ZMYND10: variants seen among roughly 807,000 people sequenced by gnomAD.
The protein encoded by ZMYND10 is zinc finger MYND domain-containing protein 10.
Under a neutral mutation model 62.6 loss-of-function variants are expected in ZMYND10, and 52 were observed. The observed-to-expected ratio is 0.83, with a 90% CI of 0.67 to 1.05. ZMYND10 has a LOEUF of 1.05. Among genes scored for constraint, ZMYND10 ranks in the 50% least tolerant of loss-of-function variants. The pLI is 0.00. For synonymous variants in ZMYND10, 197 were observed against 218.5 expected (o/e 0.90, Z 0.87); for missense variants, 438 against 543.3 (o/e 0.81, Z 1.93).
Position 50,342,492 on chromosome 3 carries a change from C to A in ZMYND10, c.778G>T (p.Gly260Trp). The A allele has an allele frequency of 6.2e-7, 1 of 1,614,032 alleles. No homozygotes were observed. The highest frequency in any genetic ancestry group is 1.3e-5 in the African/African-American group (1 of 75,032). Reference sequence around the variant, plus strand: ...TTGTACAGGGCGATCCACACTTGCCCGTCCAACTTGCTCAGCTTTTGCTGC... The same window carrying A: ...TTGTACAGGGCGATCCACACTTGCCAGTCCAACTTGCTCAGCTTTTGCTGC... ...SEQQKLSKLDGQVWIALYNLL... is the reference protein window; with the variant it reads ...SEQQKLSKLDWQVWIALYNLL... The change falls in exon 8 of 12, where the codon GGG (glycine) becomes TGG (tryptophan). Residue 260 changes from glycine (G) to tryptophan (W), a missense_variant. Physicochemically the swap from Gly to Trp is radical, Grantham distance 184. Transcript: ENST00000231749.
rs143987604 is a variant in ZMYND10 at position 50,343,397 on chromosome 3, A to G, written c.420T>C (p.Tyr140=). ...CCAGCAGGGTCAGTTTGCGGTGGCA[A>G]TAGTCTACCAAGTCCAAGACAGTGT... ...AEDTVLDLVD[Y]CHRKLTLLVA... The change falls in exon 5 of 12, where the codon TAT becomes TAC. Residue 140 remains tyrosine (Y), a synonymous_variant. Transcript: ENST00000231749. 1.1e-5 allele frequency: 17 copies of G among 1,613,624 alleles called. No homozygotes were observed. Among genetic ancestry groups the G allele is most frequent in the South Asian group, 2.2e-5 (2 of 91,048 alleles).
Position 50,345,046 on chromosome 3 carries a change from G to T in ZMYND10, c.201+78C>A. 3 of 1,229,600 alleles carry T rather than the reference G, an allele frequency of 2.4e-6. No homozygotes were observed. The highest frequency in any genetic ancestry group is 1.3e-5 in the South Asian group (1 of 78,382). 76.2% of individuals were successfully genotyped at this position (1,229,600 alleles called of 1,614,324 possible). A position where few individuals can be genotyped will look rare whatever the true frequency, so the allele number is the denominator to read the frequency against. On this transcript the variant is annotated intron_variant, in intron 2 of 11. Coordinates refer to ENST00000231749, the MANE Select transcript of ZMYND10 (RefSeq NM_015896.4). This position sits in a 1 kb window ranked among gnomAD's most constrained non-coding sequence, Gnocchi z 5.0. Reference sequence around the variant, plus strand: ...AGGTGTACCAGGCCAGAGGGGAAGGGCACACAGGGGACTCCGGAGGGGTAG... The same window carrying T: ...AGGTGTACCAGGCCAGAGGGGAAGGTCACACAGGGGACTCCGGAGGGGTAG...
At position 50,345,650 on chromosome 3, in the gene ZMYND10, G is replaced by T; in HGVS notation, c.-71C>A. The T allele has an allele frequency of 6.7e-7, 1 of 1,499,380 alleles. No individual in the cohort carries two copies. The highest frequency in any genetic ancestry group is 1.3e-5 in the South Asian group (1 of 75,232). The allele number at this position is 1,499,380 out of a possible 1,614,324, so 92.9% of individuals were successfully genotyped here. A position where few individuals can be genotyped will look rare whatever the true frequency, so the allele number is the denominator to read the frequency against. ...GATGCTGTCACATTCGGGGACGACG[G>T]ACCCCGACGGTGCCAAAGTCTGGGA... On this transcript the variant is annotated 5_prime_UTR_variant, in exon 1 of 12. Transcript: ENST00000231749. The surrounding 1 kb of genome is among the most constrained non-coding windows in gnomAD (Gnocchi z 5.0).
At chr3:50,342,640 G>A (rs754628202) in intron 7 of ZMYND10, 71 bp from the exon 8 acceptor site, 1 of 1,552,162 alleles carries the variant, frequency 6.4e-7, no homozygotes, top group Non-Finnish European at 8.7e-7. Context: ...GTGGGGGCTG[G>A]GAGACTGACC....
chr3:50,341,199 A>T lies in ZMYND10; in HGVS notation c.*211T>A. 1.5e-6 allele frequency: 1 copy of T among 662,566 alleles called. No homozygotes were observed. Among genetic ancestry groups the T allele is most frequent in the Non-Finnish European group, 2.6e-6 (1 of 391,554 alleles). The allele number at this position is 662,566 out of a possible 1,614,324, so 41.0% of individuals were successfully genotyped here. ...CTGGTCCGGTTTGCTGAAGCAACACACTTGGCCTACCCACTGGGTGGGGCA... is the reference window on the plus strand; with the variant it reads ...CTGGTCCGGTTTGCTGAAGCAACACTCTTGGCCTACCCACTGGGTGGGGCA... On this transcript the variant is annotated 3_prime_UTR_variant, in exon 12 of 12. Coordinates refer to ENST00000231749, the MANE Select transcript of ZMYND10 (RefSeq NM_015896.4).
chr3:50,341,866 G>T lies in ZMYND10; in HGVS notation c.1065C>A (p.His355Gln). Reference sequence around the variant, plus strand: ...AGGGGCTGAACACATGCTGGAGCTGGTGCTTGGCAATTGCCTGCCACTTGC... The same window carrying T: ...AGGGGCTGAACACATGCTGGAGCTGTTGCTTGGCAATTGCCTGCCACTTGC... ...NRGKWQAIAK[H>Q]QLQHVFSPSE... The change falls in exon 10 of 12, where the codon CAC becomes CAA. Residue 355 changes from histidine (H) to glutamine (Q), a missense_variant. Transcript: ENST00000231749. The T allele has an allele frequency of 6.2e-7, 1 of 1,614,176 alleles. No homozygotes were observed. Among genetic ancestry groups the T allele is most frequent in the Non-Finnish European group, 8.5e-7 (1 of 1,180,046 alleles).
At position 50,345,553 on chromosome 3, in the gene ZMYND10, G is replaced by A. The variant is rs765890556; in HGVS notation, c.27C>T (p.Pro9=). 4 of 1,607,304 alleles carry A rather than the reference G, an allele frequency of 2.5e-6. No individual in the cohort carries two copies. The highest frequency in any genetic ancestry group is 2.2e-5 in the East Asian group (1 of 44,662). The change falls in exon 1 of 12, where the codon CCC becomes CCT. Residue 9 remains proline (P), a synonymous_variant. Transcript: ENST00000231749. This position sits in a 1 kb window ranked among gnomAD's most constrained non-coding sequence, Gnocchi z 5.0. ...CCCGCACCAGCACTTCAGCTTCCCCGGGCAGCAGCAGTTCCAGGTCTCCCA... is the reference window on the plus strand; with the variant it reads ...CCCGCACCAGCACTTCAGCTTCCCCAGGCAGCAGCAGTTCCAGGTCTCCCA... MGDLELLL[P]GEAEVLVRGL... is the part of the protein sequence containing the mutation.
rs1703393990 is a variant in ZMYND10 at position 50,341,933 on chromosome 3, T to C, written c.1000-2A>G. 1 of 1,614,166 alleles carries C rather than the reference T, an allele frequency of 6.2e-7. No individual in the cohort carries two copies. Among genetic ancestry groups the C allele is most frequent in the Non-Finnish European group, 8.5e-7 (1 of 1,180,008 alleles). Reference sequence around the variant, plus strand: ...CAGCCGCTCCCAGATTTCTGGGATCTAGGAGAGAGAAGTGGAGAGTGGCAG... The same window carrying C: ...CAGCCGCTCCCAGATTTCTGGGATCCAGGAGAGAGAAGTGGAGAGTGGCAG... On this transcript the variant is annotated splice_acceptor_variant, in intron 9 of 11. Transcript: ENST00000231749. LOFTEE classifies it high-confidence loss of function.
intron 6 of ZMYND10, 29 bp from the exon 7 acceptor site, chr3:50,343,047 G>A: frequency 6.2e-7 from 1 of 1,613,948 alleles, no homozygotes; most frequent in Non-Finnish European, 8.5e-7. Context: ...TGAAGGAGGT[G>A]AGTAGAGGCA....
chr3:50,343,562 C>A lies in ZMYND10; in HGVS notation c.372+1G>T. ...GCCCATGGGCAGAGATAGTCCCTCA[C>A]CTTGTGGAAGAACACTGTCTCCAAG... On this transcript the variant is annotated splice_donor_variant, in intron 4 of 11. Transcript: ENST00000231749. LOFTEE classifies it high-confidence loss of function. 6.2e-7 allele frequency: 1 copy of A among 1,614,194 alleles called. No individual in the cohort carries two copies. Among genetic ancestry groups the A allele is most frequent in the Non-Finnish European group, 8.5e-7 (1 of 1,180,042 alleles).
intron 6 of ZMYND10, 27 bp from the exon 7 acceptor site, chr3:50,343,045 G>A (rs775101988): frequency 3.7e-6 from 6 of 1,614,022 alleles, no homozygotes; most frequent in South Asian, 3.3e-5. Flanking sequence ...TGTGAAGGAG[G>A]TGAGTAGAGG....
At position 50,342,995 on chromosome 3, in the gene ZMYND10, C is replaced by A. The variant is rs368114874; in HGVS notation, c.623G>T (p.Arg208Leu). Residue 208 changes from arginine to leucine, a missense_variant, in exon 7 of 12, where the codon CGT becomes CTT. Physicochemically the swap from Arg to Leu is moderately radical, Grantham distance 102 (BLOSUM62 -2). Coordinates refer to ENST00000231749, the MANE Select transcript of ZMYND10 (RefSeq NM_015896.4). ...VDSLSLSTLS[R>L]MLSTHNLPCL... ...GGGCAGGTTGTGTGTGCTAAGCATA[C>A]GGCTCAAGGTGCTGAGAGAGAGGCT... 22 of 1,613,990 alleles carry A rather than the reference C, an allele frequency of 1.4e-5. No homozygotes were observed. Among genetic ancestry groups the A allele is most frequent in the African/African-American group, 4.0e-5 (3 of 74,898 alleles).
chr3:50,343,996 T>C (rs1703465993), intron 2 of ZMYND10, 146 bp from the exon 3 acceptor site: 1 of 683,844 alleles, frequency 1.5e-6, no homozygotes, highest in Non-Finnish European at 2.5e-6. Flanking sequence ...CCTTCCTGAC[T>C]TCTCTCTTGC....
Position 50,342,916 on chromosome 3 carries a change from A to G in ZMYND10, c.700+2T>C, listed in dbSNP as rs781450802. On this transcript the variant is annotated splice_donor_variant, in intron 7 of 11. Transcript: ENST00000231749. LOFTEE classifies it high-confidence loss of function. ...GCTTAGGCTGGTGGGGGAGGACCCT[A>G]CCTCCTTCCCGCCGGCTCCAGGGAC... is the stretch of plus-strand genomic sequence containing the variant. 3.7e-6 allele frequency: 6 copies of G among 1,613,592 alleles called. No homozygotes were observed. The East Asian group carries it at 1.3e-4, about 36-fold the overall frequency.
At position 50,341,315 on chromosome 3, in the gene ZMYND10, C is replaced by A. The variant is rs953306121; in HGVS notation, c.*95G>T. ...CTGCTCTCCACTGCGGAGACTGGGG[C>A]TCCGGCAGAGGCTGGACCGTGATCT... On this transcript the variant is annotated 3_prime_UTR_variant, in exon 12 of 12. Coordinates refer to ENST00000231749, the MANE Select transcript of ZMYND10 (RefSeq NM_015896.4). The A allele has an allele frequency of 1.4e-6, 2 of 1,471,128 alleles. No individual in the cohort carries two copies. The highest frequency in any genetic ancestry group is 1.4e-5 in the African/African-American group (1 of 72,204). The allele number at this position is 1,471,128 out of a possible 1,614,324, so 91.1% of individuals were successfully genotyped here.
Position 50,341,554 on chromosome 3 carries a change from A to T in ZMYND10, c.1247+20T>A, listed in dbSNP as rs752441291. ...TGTGGGAGTAGGGCTTAGAGGTCCA[A>T]GGTTCTAGGATACCCTCACCTGCAG... On this transcript the variant is annotated intron_variant, in intron 11 of 11. Coordinates refer to ENST00000231749, the MANE Select transcript of ZMYND10 (RefSeq NM_015896.4). 1 of 1,614,194 alleles carries T rather than the reference A, an allele frequency of 6.2e-7. No individual in the cohort carries two copies. Among genetic ancestry groups the T allele is most frequent in the South Asian group, 1.1e-5 (1 of 91,088 alleles).
At chr3:50,341,775 C>T in intron 10 of ZMYND10, 35 bp downstream of exon 10, 2 of 1,611,874 alleles carry the variant, frequency 1.2e-6, no homozygotes, top group Admixed American at 3.3e-5. Flanking sequence ...CTCCTGCATC[C>T]CCTCCACCCT....
In ZMYND10 at chr3:50,343,162, C is replaced by T. The variant is rs1703442506; in HGVS notation, c.555G>A (p.Leu185=). 1.2e-6 allele frequency: 2 copies of T among 1,614,102 alleles called. No individual in the cohort carries two copies. Among genetic ancestry groups the T allele is most frequent in the Non-Finnish European group, 1.7e-6 (2 of 1,180,042 alleles). The change falls in exon 6 of 12, where the codon CTG becomes CTA. Residue 185 remains leucine, a synonymous_variant. Coordinates refer to ENST00000231749, the MANE Select transcript of ZMYND10 (RefSeq NM_015896.4). The part of the protein sequence containing the change: ...QAELMEFEIA[L]KALSVLRYIT... The stretch of plus-strand genomic sequence containing the variant: ...TGTAGCGTAGTACTGAGAGGGCCTT[C>T]AGTGCAATCTCAAATTCCATCAGCT...
In ZMYND10 at chr3:50,341,487, T is replaced by G; in HGVS notation, c.1248-2A>C. On this transcript the variant is annotated splice_acceptor_variant, in intron 11 of 11. Transcript: ENST00000231749. LOFTEE classifies it high-confidence loss of function. ...TCCCAGTGCTTGACTTGGCACTCCC[T>G]GCAGGCAGGTGGGTATTGAGGATGG... 6.2e-7 allele frequency: 1 copy of G among 1,614,264 alleles called. No homozygotes were observed. Among genetic ancestry groups the G allele is most frequent in the Non-Finnish European group, 8.5e-7 (1 of 1,180,038 alleles).
Sources: gnomAD v4.1 joint callset for allele counts on GRCh38, gnomAD v4.1.1 for gene constraint, Gnocchi (gnomAD v3.1) non-coding constraint, MANE v1.5 for transcripts, NCBI Gene and HGNC (gene_info 2026-07-23, HGNC 2026-07-21) for gene names.